Variants in KIF13A observed in about 807,000 individuals in gnomAD.
The protein encoded by KIF13A is kinesin-like protein KIF13A.
A neutral mutation model predicts 212.2 loss-of-function variants in KIF13A; 79 were observed. The observed-to-expected ratio is 0.37, with a 90% CI of 0.31 to 0.45. KIF13A has a LOEUF of 0.45. Among genes scored for constraint, KIF13A ranks in the 20% least tolerant of loss-of-function variants. KIF13A has a pLI of 1.00. For synonymous variants in KIF13A, 789 were observed against 808.6 expected (o/e 0.98, Z 0.41); for missense variants, 1,901 against 2,209.0 (o/e 0.86, Z 2.79).
At position 17,898,486 on chromosome 6, in the gene KIF13A, A is replaced by G. The variant is rs1376381481; in HGVS notation, c.147-306T>C. On this transcript the variant is annotated intron_variant, in intron 2 of 38. Transcript: ENST00000259711. This position sits in a 1 kb window ranked among gnomAD's most constrained non-coding sequence, Gnocchi z 5.2. ...ATGACTTTTAAGAAATGCCAAAGGA[A>G]GAGCATCAAGATAAAGAAAGATGCC... is the stretch of plus-strand genomic sequence containing the variant. 2.6e-5 allele frequency among the ~76,000 whole-genome samples: 4 copies of G among 152,208 alleles called. No homozygotes were observed.
rs780507229 is a variant in KIF13A at position 17,837,058 on chromosome 6, C to T, written c.975G>A (p.Met325Ile). The change falls in exon 11 of 39, where the codon ATG (methionine) becomes ATA (isoleucine). Residue 325 changes from methionine (M) to isoleucine (I), a missense_variant. Met to Ile is a conservative substitution (Grantham distance 10). This residue lies in a region of KIF13A where 506 missense variants were observed against 637.4 expected (regional missense o/e 0.79). Coordinates refer to ENST00000259711, the MANE Select transcript of KIF13A (RefSeq NM_022113.6). The surrounding 1 kb of genome is among the most constrained non-coding windows in gnomAD (Gnocchi z 5.4). The part of the protein sequence containing the change: ...DNLGGNSQTS[M>I]IATISPAADN... ...CTGCGGCTGGGCTGATTGTGGCTAT[C>T]ATAGAGGTTTGGCTGTTGCCCCCCA... The T allele has an allele frequency of 2.5e-6, 4 of 1,613,904 alleles. No individual in the cohort carries two copies. The highest frequency in any genetic ancestry group is 3.4e-6 in the Non-Finnish European group (4 of 1,179,876).
intron 4 of KIF13A, among the ~76,000 whole-genome samples, chr6:17,867,776 T>G (rs1244039582): frequency 2.0e-5 from 3 of 152,258 alleles, no homozygotes; most frequent in Non-Finnish European, 4.4e-5. Context: ...TTGGTTCTAT[T>G]TTGGCTACTG....
chr6:17,889,436 T>C (rs1771841240), intron 3 of KIF13A, among the ~76,000 whole-genome samples: 1 of 152,162 alleles, frequency 6.6e-6, no homozygotes, highest in African/African-American at 2.4e-5. Context: ...AACACTCAAA[T>C]AAACCGTACA....
chr6:17,831,097 C>T lies in KIF13A; in HGVS notation c.1401+4G>A, dbSNP rs1244939713. On this transcript the variant is annotated splice_donor_region_variant and intron_variant, in intron 13 of 38. Coordinates refer to ENST00000259711, the MANE Select transcript of KIF13A (RefSeq NM_022113.6). ...ATTGCATATGTATTTATATGTTCTC[C>T]TACCTTTAAATAATAAACCAGAAGT... is the stretch of plus-strand genomic sequence containing the variant. 1 of 1,609,498 alleles carries T rather than the reference C, an allele frequency of 6.2e-7. No homozygotes were observed. The highest frequency in any genetic ancestry group is 2.2e-5 in the East Asian group (1 of 44,870).
intron 4 of KIF13A, among the ~76,000 whole-genome samples, chr6:17,863,071 T>A (rs1768987323): frequency 6.6e-6 from 1 of 152,220 alleles, no homozygotes; most frequent in South Asian, 2.1e-4. Flanking sequence ...CACTCCAGCC[T>A]GAACGACAGA....
chr6:17,818,572 G>A (rs1326055811), intron 16 of KIF13A, among the ~76,000 whole-genome samples: 1 of 152,122 alleles, frequency 6.6e-6, no homozygotes, highest in Non-Finnish European at 1.5e-5. Flanking sequence ...CAACCACAAT[G>A]GCAACAATAA....
chr6:17,935,701 C>T (rs535036752), intron 2 of KIF13A, among the ~76,000 whole-genome samples: 2 of 152,122 alleles, frequency 1.3e-5, no homozygotes, highest in South Asian at 4.1e-4. Context: ...TAAAACTGTA[C>T]CCTTGTGAAC....
intron 17 of KIF13A, among the ~76,000 whole-genome samples, chr6:17,813,635 C>A (rs1184041456): frequency 1.3e-5 from 2 of 152,054 alleles, no homozygotes; most frequent in African/African-American, 4.8e-5. Flanking sequence ...GAGCCTTGCG[C>A]TGCAGGGCAG....
Position 17,899,582 on chromosome 6 carries a change from T to A in KIF13A, c.147-1402A>T, listed in dbSNP as rs899452878. 6.6e-6 allele frequency among the ~76,000 whole-genome samples: 1 copy of A among 152,274 alleles called. No individual in the cohort carries two copies. Among genetic ancestry groups the A allele is most frequent in the Admixed American group, 6.5e-5 (1 of 15,282 alleles). ...TTTCGAGTGCAGGGAAGAAAAATCA[T>A]CCCATTCCTATAATGATGAAGTTGA... On this transcript the variant is annotated intron_variant, in intron 2 of 38. Coordinates refer to ENST00000259711, the MANE Select transcript of KIF13A (RefSeq NM_022113.6). This position sits in a 1 kb window ranked among gnomAD's most constrained non-coding sequence, Gnocchi z 5.2.
chr6:17,827,762 T>C (rs976825622), intron 14 of KIF13A, among the ~76,000 whole-genome samples: 6 of 152,166 alleles, frequency 3.9e-5, no homozygotes, highest in Admixed American at 3.9e-4. Context: ...GCTCAAGCAA[T>C]ACTCCTGCCT....
At chr6:17,929,082 A>AAC (rs1464488840) in intron 2 of KIF13A, among the ~76,000 whole-genome samples, 1 of 151,638 alleles carries the variant, frequency 6.6e-6, no homozygotes, top group Admixed American at 6.6e-5. Context: ...AAAAAAAAAA[A>AAC]ACAAAGGAGC....
At chr6:17,775,121 T>A (rs1759835817) in intron 34 of KIF13A, 59 bp from the exon 35 acceptor site, 2 of 1,366,206 alleles carry the variant, frequency 1.5e-6, no homozygotes, top group Non-Finnish European at 1.0e-6. Flanking sequence ...AGGGGTTTTT[T>A]TTATATAAAG....
chr6:17,860,392 T>A (rs594976), intron 4 of KIF13A, among the ~76,000 whole-genome samples: 53,376 of 151,782 alleles, frequency 0.35, 9,803 homozygotes, highest in East Asian at 0.49. Context: ...TTTCACCATG[T>A]TGGCCAGGCT....
intron 20 of KIF13A, among the ~76,000 whole-genome samples, chr6:17,803,633 T>C (rs1164584056): frequency 6.6e-6 from 1 of 152,188 alleles, no homozygotes; most frequent in East Asian, 1.9e-4. Flanking sequence ...TGTTTTGTTT[T>C]GAGTACTTTG....
chr6:17,775,098 T>C, intron 34 of KIF13A, 36 bp from the exon 35 acceptor site: 1 of 1,535,908 alleles, frequency 6.5e-7, no homozygotes, highest in Non-Finnish European at 8.9e-7. Context: ...ATGTGGTTTA[T>C]ATATTTAATA....
At chr6:17,952,203 C>G (rs985333873) in intron 2 of KIF13A, among the ~76,000 whole-genome samples, 2 of 150,614 alleles carry the variant, frequency 1.3e-5, no homozygotes, top group Non-Finnish European at 2.9e-5. Context: ...ACTCGGGAGG[C>G]TGAGGCAGGA....
chr6:17,965,219 CT>C (rs1376971988), intron 2 of KIF13A, among the ~76,000 whole-genome samples: 3 of 152,146 alleles, frequency 2.0e-5, no homozygotes, highest in Non-Finnish European at 4.4e-5. Flanking sequence ...TCTAATTGTT[CT>C]TAGTATCATG....
chr6:17,801,120 A>G (rs908936647), intron 20 of KIF13A, among the ~76,000 whole-genome samples: 3 of 152,170 alleles, frequency 2.0e-5, no homozygotes, highest in African/African-American at 7.2e-5. Flanking sequence ...CCAAACAGCT[A>G]GCTCATGAAA....
intron 2 of KIF13A, among the ~76,000 whole-genome samples, chr6:17,972,473 C>T (rs559941128): frequency 3.3e-5 from 5 of 152,230 alleles, no homozygotes; most frequent in East Asian, 3.9e-4. Flanking sequence ...AATAGGTGGG[C>T]GCCAAAGGCA....
Sources: allele counts gnomAD v4.1 joint callset (sites outside exome capture counted in the v4.1 genomes callset), GRCh38; gene constraint gnomAD v4.1.1; regional missense constraint gnomAD v4.1.1; non-coding constraint Gnocchi (gnomAD v3.1); transcripts MANE v1.5; gene names NCBI Gene and HGNC (gene_info 2026-07-23, HGNC 2026-07-21).